UBR2: variants seen among roughly 807,000 people sequenced by gnomAD.
The protein encoded by UBR2 is E3 ubiquitin-protein ligase UBR2.
A neutral mutation model predicts 247.9 loss-of-function variants in UBR2; 92 were observed. The observed-to-expected ratio is 0.37, with a 90% CI of 0.31 to 0.44. The LOEUF is 0.44. Among genes scored for constraint, UBR2 ranks in the 20% least tolerant of loss-of-function variants. The pLI, the probability that UBR2 is intolerant of heterozygous loss-of-function variation, is 1.00. For missense variants in UBR2, 1,613 were observed against 2,112.6 expected (o/e 0.76, Z 4.64); for synonymous variants, 672 against 693.5 (o/e 0.97, Z 0.49).
Position 42,652,577 on chromosome 6 carries a change from A to C in UBR2, c.2701A>C (p.Met901Leu), listed in dbSNP as rs150443989. ...ILQSDVMLCI[M>L]GTILQWAVEH... The stretch of plus-strand genomic sequence containing the variant: ...GCAGTCAGATGTCATGTTGTGCATC[A>C]TGGGAACAATTCTGCAATGGGCTGT... The change falls in exon 25 of 47, where the codon ATG becomes CTG. Residue 901 changes from methionine (M) to leucine (L), a missense_variant. By Grantham distance (15) the Met-to-Leu change is conservative. Transcript: ENST00000372901. The C allele has an allele frequency of 1.4e-4, 222 of 1,613,964 alleles. No individual in the cohort carries two copies. Among genetic ancestry groups the C allele is most frequent in the Middle Eastern group, 8.3e-4 (5 of 6,060 alleles).
intron 4 of UBR2, among the ~76,000 whole-genome samples, chr6:42,595,905 G>C (rs1027812876): frequency 6.6e-6 from 1 of 151,768 alleles, no homozygotes; most frequent in Admixed American, 6.6e-5. Context: ...ACAGTAAGAT[G>C]CCAAGTGGTC....
Position 42,691,429 on chromosome 6 carries a change from C to G in UBR2, c.*256C>G, listed in dbSNP as rs1231336922. 2 of 477,022 alleles carry G rather than the reference C, an allele frequency of 4.2e-6. No individual in the cohort carries two copies. Among genetic ancestry groups the G allele is most frequent in the African/African-American group, 3.9e-5 (2 of 50,872 alleles). The allele number at this position is 477,022 out of a possible 1,614,324, so 29.5% of individuals were successfully genotyped here. A position where few individuals can be genotyped will look rare whatever the true frequency, so the allele number is the denominator to read the frequency against. Reference sequence around the variant, plus strand: ...GGAGCTTCTCTTCCTAGATTGGATCCCAGCCCCTTTGTGGGGGTCTGACTG... The same window carrying G: ...GGAGCTTCTCTTCCTAGATTGGATCGCAGCCCCTTTGTGGGGGTCTGACTG... On this transcript the variant is annotated 3_prime_UTR_variant, in exon 47 of 47. Coordinates refer to ENST00000372901, the MANE Select transcript of UBR2 (RefSeq NM_001363705.2).
intron 5 of UBR2, among the ~76,000 whole-genome samples, chr6:42,604,650 A>T (rs1793585016): frequency 1.3e-5 from 2 of 152,134 alleles, no homozygotes; most frequent in Non-Finnish European, 2.9e-5. Context: ...TTCATTCTCT[A>T]CACTGCATCA....
intron 36 of UBR2, among the ~76,000 whole-genome samples, chr6:42,671,707 G>A (rs1311083360): frequency 1.3e-5 from 2 of 151,938 alleles, no homozygotes; most frequent in Non-Finnish European, 2.9e-5. Flanking sequence ...GACACTCTTG[G>A]CTTTCTTTCT....
At chr6:42,650,960 G>A (rs893058204) in intron 23 of UBR2, among the ~76,000 whole-genome samples, 2 of 151,934 alleles carry the variant, frequency 1.3e-5, no homozygotes, top group African/African-American at 2.4e-5. Context: ...TTTTGGTGGG[G>A]CATGTAATCC....
intron 5 of UBR2, 93 bp downstream of exon 5, chr6:42,603,811 G>A: frequency 7.7e-7 from 1 of 1,304,770 alleles, no homozygotes; most frequent in South Asian, 1.4e-5. Context: ...TTTTAATAAT[G>A]AGTTTTTAGC....
rs775662529 is a variant in UBR2, at chr6:42,659,559, ACACT to A, written c.3243-96_3243-93del. 1.5e-4 allele frequency: 108 copies of A among 730,018 alleles called. No individual in the cohort carries two copies. Among genetic ancestry groups the A allele is most frequent in the Non-Finnish European group, 2.1e-4 (96 of 454,892 alleles). 45.2% of individuals were successfully genotyped at this position (730,018 alleles called of 1,614,324 possible). On this transcript the variant is annotated intron_variant, in intron 29 of 46. Transcript: ENST00000372901. The surrounding 1 kb of genome is among the most constrained non-coding windows in gnomAD (Gnocchi z 4.3). ...CACACACACACACACACACACACAC[ACACT>A]ACACACACACACACATACCTGTAGT...
intron 7 of UBR2, among the ~76,000 whole-genome samples, chr6:42,611,869 T>C (rs551436644): frequency 6.8e-6 from 1 of 146,498 alleles, no homozygotes; most frequent in African/African-American, 2.5e-5. Context: ...ATTGCTCCAC[T>C]GCACTCCAGC....
chr6:42,687,974 T>G (rs1799538303), intron 44 of UBR2, among the ~76,000 whole-genome samples: 1 of 25,576 alleles, frequency 3.9e-5, no homozygotes, highest in Admixed American at 3.7e-4. Context: ...TATTGATGAT[T>G]TTATTTATTT....
In UBR2 at chr6:42,652,498, A is replaced by G; in HGVS notation, c.2622A>G (p.Pro874=). The G allele has an allele frequency of 6.2e-7, 1 of 1,601,600 alleles. No homozygotes were observed. The highest frequency in any genetic ancestry group is 8.5e-7 in the Non-Finnish European group (1 of 1,177,076). ...TAACAACTGTATTTTCAGCACTCCC[A>G]CCTCCGGTGTTGCCTCCATTCTGCC... ...KRQNREDTAL[P]PPVLPPFCPL... Residue 874 remains proline, a synonymous_variant, in exon 25 of 47, where the codon CCA becomes CCG. Coordinates refer to ENST00000372901, the MANE Select transcript of UBR2 (RefSeq NM_001363705.2).
chr6:42,676,333 G>C, intron 39 of UBR2, 142 bp downstream of exon 39: 1 of 899,022 alleles, frequency 1.1e-6, no homozygotes, highest in Non-Finnish European at 1.6e-6. Context: ...CATATGAAAA[G>C]TTTTGAAACA....
chr6:42,626,212 A>C (rs1014959170), intron 11 of UBR2, among the ~76,000 whole-genome samples: 5 of 151,834 alleles, frequency 3.3e-5, no homozygotes, highest in Admixed American at 3.3e-4. Flanking sequence ...TTCTTTCGTG[A>C]CCACCAATGT....
At chr6:42,567,033 A>T (rs1790820388) in intron 1 of UBR2, among the ~76,000 whole-genome samples, 1 of 152,196 alleles carries the variant, frequency 6.6e-6, no homozygotes, top group Non-Finnish European at 1.5e-5. Flanking sequence ...GGTTGAAAGC[A>T]CATTTTAGGG....
intron 2 of UBR2, among the ~76,000 whole-genome samples, chr6:42,589,594 A>G (rs1792524299): frequency 6.6e-6 from 1 of 152,164 alleles, no homozygotes; most frequent in Non-Finnish European, 1.5e-5. Flanking sequence ...TCTTCCTTAA[A>G]CATTTGATAG....
rs367637676 is a variant in UBR2, at chr6:42,655,730, A to G, written c.2872+7A>G. 8 of 1,464,200 alleles carry G rather than the reference A, an allele frequency of 5.5e-6. No individual in the cohort carries two copies. The highest frequency in any genetic ancestry group is 4.6e-6 in the Non-Finnish European group (5 of 1,093,976). The allele number at this position is 1,464,200 out of a possible 1,614,324, so 90.7% of individuals were successfully genotyped here. On this transcript the variant is annotated splice_region_variant and intron_variant, in intron 26 of 46. Coordinates refer to ENST00000372901, the MANE Select transcript of UBR2 (RefSeq NM_001363705.2). ...TTCACTCAGAAGATATCAAGTATGTATATATCTTTTTACTAAACTAACTCA... is the reference window on the plus strand; with the variant it reads ...TTCACTCAGAAGATATCAAGTATGTGTATATCTTTTTACTAAACTAACTCA...
intron 4 of UBR2, among the ~76,000 whole-genome samples, chr6:42,602,627 A>G (rs61533377): frequency 0.016 from 2,374 of 146,620 alleles, 50 homozygotes; most frequent in African/African-American, 0.056. Flanking sequence ...GTGTGTGTGT[A>G]TATATACATT....
chr6:42,655,790 C>A, intron 26 of UBR2, 67 bp downstream of exon 26: 1 of 953,654 alleles, frequency 1.0e-6, no homozygotes, highest in Non-Finnish European at 1.5e-6. Flanking sequence ...ACTTAATAAC[C>A]TCTTTTATTT....
At position 42,652,625 on chromosome 6, in the gene UBR2, T is replaced by C; in HGVS notation, c.2749T>C (p.Ser917Pro). 1 of 1,611,888 alleles carries C rather than the reference T, an allele frequency of 6.2e-7. No homozygotes were observed. The highest frequency in any genetic ancestry group is 8.5e-7 in the Non-Finnish European group (1 of 1,179,600). Residue 917 changes from serine (S) to proline (P), a missense_variant, in exon 25 of 47, where the codon TCA (serine) becomes CCA (proline). Ser to Pro is a moderately conservative substitution (Grantham distance 74). Around this residue, in one of 3 missense-constraint regions of UBR2, gnomAD observed 1,524 missense variants for 1,967.3 expected, o/e 0.77. Transcript: ENST00000372901. ...TGTGGAACATAATGGATATGCCTGG[T>C]CAGAGTCCATGCTGCAAAGGGTAGG... ...WAVEHNGYAW[S>P]ESMLQRVLHL...
chr6:42,686,721 C>G (rs6941447), intron 44 of UBR2, among the ~76,000 whole-genome samples: 1 of 150,064 alleles, frequency 6.7e-6, no homozygotes, highest in Non-Finnish European at 1.5e-5. Context: ...CCCCACCTCC[C>G]GGACGGGGCA....
Sources: gnomAD v4.1 joint callset for allele counts (sites outside exome capture counted in the v4.1 genomes callset) on GRCh38, gnomAD v4.1.1 for gene constraint, gnomAD v4.1.1 regional missense constraint, Gnocchi (gnomAD v3.1) non-coding constraint, MANE v1.5 for transcripts, NCBI Gene and HGNC (gene_info 2026-07-23, HGNC 2026-07-21) for gene names.